The following SYNGR1 variants were observed in gnomAD, a reference collection of about 807,000 sequenced individuals.
The protein encoded by SYNGR1 is synaptogyrin 1.
SYNGR1 carries 14 observed loss-of-function variants against 26.1 expected under a neutral mutation model. The observed-to-expected ratio is 0.54, with a 90% CI of 0.35 to 0.84. SYNGR1 has a LOEUF of 0.84. Ranked by LOEUF, SYNGR1 falls within the 40% of genes least tolerant of loss-of-function variation. The probability of loss-of-function intolerance (pLI) is 0.01; values close to 1 mark genes in which losing one functional copy is unlikely to be tolerated. For synonymous variants in SYNGR1, 141 were observed against 150.1 expected (o/e 0.94, Z 0.44); for missense variants, 319 against 332.9 (o/e 0.96, Z 0.33).
chr22:39,374,531 C>G lies in SYNGR1; in HGVS notation c.315C>G (p.Val105=). The G allele has an allele frequency of 6.2e-7, 1 of 1,613,578 alleles. No individual in the cohort carries two copies. Among genetic ancestry groups the G allele is most frequent in the Non-Finnish European group, 8.5e-7 (1 of 1,179,998 alleles). Residue 105 remains valine (V), a synonymous_variant, in exon 2 of 4, where the codon GTC becomes GTG. Coordinates refer to ENST00000328933, the MANE Select transcript of SYNGR1 (RefSeq NM_004711.5). ...ISSVKDRKKA[V]LSDIGVSAFW... ...GCGTCAAGGACCGCAAGAAAGCCGT[C>G]CTGTCCGACATCGGTGTCTCGGGTG...
At chr22:39,352,863 G>GT (rs568894683) in intron 1 of SYNGR1, among the ~76,000 whole-genome samples, 3 of 151,864 alleles carry the variant, frequency 2.0e-5, no homozygotes, top group Non-Finnish European at 4.4e-5. Flanking sequence ...ACCTGTGATT[G>GT]TTTTTTTTCT....
chr22:39,375,696 A>T (rs1177176204), intron 2 of SYNGR1: 2 of 585,908 alleles, frequency 3.4e-6, no homozygotes. Context: ...GTGGCTGGAC[A>T]TGGGGGTTTG....
intron 1 of SYNGR1, among the ~76,000 whole-genome samples, chr22:39,358,759 A>G (rs1187043741): frequency 6.6e-6 from 1 of 152,066 alleles, no homozygotes. Context: ...TCTTGAAGTC[A>G]GTGAGACCAA....
chr22:39,365,619 C>T (rs1453290308), intron 1 of SYNGR1, among the ~76,000 whole-genome samples: 1 of 151,544 alleles, frequency 6.6e-6, no homozygotes, highest in African/African-American at 2.4e-5. Context: ...AAACCCTTGA[C>T]ACAGAGGGCA....
chr22:39,370,491 G>A (rs1384134492), intron 1 of SYNGR1, among the ~76,000 whole-genome samples: 1 of 152,022 alleles, frequency 6.6e-6, no homozygotes, highest in Non-Finnish European at 1.5e-5. Context: ...GCCCACGCTG[G>A]TTGTTCCTTT....
At chr22:39,362,452 A>C (rs1601655135) in intron 1 of SYNGR1, among the ~76,000 whole-genome samples, 4 of 149,886 alleles carry the variant, frequency 2.7e-5, no homozygotes, top group South Asian at 2.1e-4. Flanking sequence ...CACCTGCCCC[A>C]CCCCCACCTT....
At chr22:39,362,541 C>T (rs1376429686) in intron 1 of SYNGR1, among the ~76,000 whole-genome samples, 1 of 152,100 alleles carries the variant, frequency 6.6e-6, no homozygotes, top group African/African-American at 2.4e-5. Flanking sequence ...CAGCCATTTT[C>T]CTCACTTGAC....
chr22:39,365,403 C>T (rs559888950), intron 1 of SYNGR1, among the ~76,000 whole-genome samples: 40 of 152,194 alleles, frequency 2.6e-4, no homozygotes, highest in Admixed American at 1.1e-3. Flanking sequence ...TGTGCAGGTC[C>T]CTAGAAGCGG....
intron 2 of SYNGR1, 85 bp from the exon 3 acceptor site, chr22:39,375,967 T>C (rs2145630910): frequency 1.3e-6 from 2 of 1,573,696 alleles, no homozygotes; most frequent in East Asian, 4.5e-5. Flanking sequence ...TGTCCCTCTG[T>C]TCCTCGGCTT....
intron 1 of SYNGR1, among the ~76,000 whole-genome samples, chr22:39,355,373 G>T (rs1924099753): frequency 6.6e-6 from 1 of 152,272 alleles, no homozygotes; most frequent in African/African-American, 2.4e-5. Context: ...AGACAGGAAG[G>T]TGGGCCCACG....
intron 1 of SYNGR1, among the ~76,000 whole-genome samples, chr22:39,353,995 C>G (rs1221891039): frequency 6.6e-6 from 1 of 152,138 alleles, no homozygotes; most frequent in Non-Finnish European, 1.5e-5. Flanking sequence ...TCCCAAATAG[C>G]TGGGATTACA....
chr22:39,378,372 T>C (rs540229155), intron 3 of SYNGR1: 5 of 595,574 alleles, frequency 8.4e-6, no homozygotes, highest in Non-Finnish European at 9.8e-6. Flanking sequence ...TAAGCTCTTT[T>C]GTTCATTCAT....
rs759591034 is a variant in SYNGR1, at chr22:39,381,863, G to A, written c.651G>A (p.Pro217=). The A allele has an allele frequency of 1.9e-5, 31 of 1,612,742 alleles. No homozygotes were observed. The highest frequency in any genetic ancestry group is 1.6e-4 in the Middle Eastern group (1 of 6,084). ...PAGMGGTYQQ[P]ANTFDTEPQG... ...GTATGGGCGGCACCTACCAGCAGCC[G>A]GCCAACACCTTCGACACCGAGCCCC... Residue 217 remains proline, a synonymous_variant, in exon 4 of 4, where the codon CCG becomes CCA. Transcript: ENST00000328933.
chr22:39,372,331 C>CTA (rs1925063504), intron 1 of SYNGR1, among the ~76,000 whole-genome samples: 3 of 151,176 alleles, frequency 2.0e-5, no homozygotes, highest in Admixed American at 2.0e-4. Context: ...CAGGATTTCA[C>CTA]CATGTTAACC....
chr22:39,366,947 T>C (rs1274831497), intron 1 of SYNGR1, among the ~76,000 whole-genome samples: 2 of 152,136 alleles, frequency 1.3e-5, no homozygotes, highest in South Asian at 4.1e-4. Flanking sequence ...CTTGCTCGGC[T>C]CCTATCGTGC....
intron 3 of SYNGR1, chr22:39,377,543 C>T: frequency 6.3e-7 from 1 of 1,595,686 alleles, no homozygotes; most frequent in Non-Finnish European, 8.5e-7. Context: ...CAGCCTCCCT[C>T]CTGGCACCTC....
intron 1 of SYNGR1, among the ~76,000 whole-genome samples, chr22:39,357,632 CAG>C (rs1924211043): frequency 7.5e-5 from 6 of 80,504 alleles, no homozygotes; most frequent in African/African-American, 3.7e-4. Context: ...GCCCTCGGAG[CAG>C]CCGGCCAGCC....
At chr22:39,351,749 G>A (rs1053573494) in intron 1 of SYNGR1, among the ~76,000 whole-genome samples, 3 of 152,238 alleles carry the variant, frequency 2.0e-5, no homozygotes, top group African/African-American at 2.4e-5. Flanking sequence ...GGAAGGCAGC[G>A]TGACTCAGAA....
intron 1 of SYNGR1, among the ~76,000 whole-genome samples, chr22:39,360,270 T>C (rs1924408274): frequency 6.6e-6 from 1 of 152,182 alleles, no homozygotes; most frequent in African/African-American, 2.4e-5. Context: ...TCTCTACTCT[T>C]GGCTCTTCTG....
Sources: allele counts gnomAD v4.1 joint callset (sites outside exome capture counted in the v4.1 genomes callset), GRCh38; gene constraint gnomAD v4.1.1; transcripts MANE v1.5; gene names NCBI Gene and HGNC (gene_info 2026-07-23, HGNC 2026-07-21).